MID1: variants seen among roughly 807,000 people sequenced by gnomAD.
MID1 encodes midline 1.
In MID1, 7 loss-of-function variants were observed where a neutral mutation model predicts 40.4. The ratio of observed to expected loss-of-function variants is 0.17; its 90% CI spans 0.10 to 0.33. The LOEUF is 0.33. Ranked by LOEUF, MID1 falls within the 10% of genes least tolerant of loss-of-function variation. MID1 has a pLI of 1.00. For missense variants in MID1, 367 were observed against 558.5 expected (o/e 0.66, Z 3.46); for synonymous variants, 229 against 221.2 (o/e 1.04, Z -0.31).
chrX:10,742,388 C>T (rs1398609766), intron 1 of MID1, among the ~76,000 whole-genome samples: 1 of 111,499 alleles, frequency 9.0e-6, no homozygotes, highest in Admixed American at 9.6e-5. Flanking sequence ...GAAAAAAAAT[C>T]CCTTTTCTAC....
chrX:10,529,679 G>C (rs1227326512), intron 2 of MID1, among the ~76,000 whole-genome samples: 1 of 111,529 alleles, frequency 9.0e-6, no homozygotes. Flanking sequence ...GCTTGTTTCT[G>C]GGTCTGAGCA....
intron 1 of MID1, among the ~76,000 whole-genome samples, chrX:10,640,341 GC>G (rs1348108216): frequency 1.8e-5 from 2 of 110,180 alleles, no homozygotes; most frequent in African/African-American, 6.6e-5. Context: ...CAAATGGGGG[GC>G]AAAAAAAGCA....
Position 10,448,151 on chromosome X carries a change from T to G in MID1, c.*1217A>C, listed in dbSNP as rs1343913880. 1.8e-5 allele frequency: 2 copies of G among 109,259 alleles called. No individual in the cohort carries two copies. Among genetic ancestry groups the G allele is most frequent in the Admixed American group, 9.8e-5 (1 of 10,196 alleles). The allele number at this position is 109,259 out of a possible 1,213,427, so 9.0% of individuals were successfully genotyped here. ...GGTCTTACAACTCTATTGTAAACTA[T>G]ACTAGACTATAGAGGGACTTCTACA... is the stretch of plus-strand genomic sequence containing the variant. On this transcript the variant is annotated 3_prime_UTR_variant, in exon 10 of 10. Transcript: ENST00000317552.
At chrX:10,829,813 CAGGTATGACCTTAGAA>C (rs1459182026) in intron 1 of MID1, among the ~76,000 whole-genome samples, 2 of 111,917 alleles carry the variant, frequency 1.8e-5, no homozygotes, top group Non-Finnish European at 3.8e-5. Context: ...CTAAGCCTTA[CAGGTATGACCTTAGAA>C]GTAATGGCAG....
In MID1 at chrX:10,449,404, G is replaced by A. The variant is rs754871464; in HGVS notation, c.1968C>T (p.Ile656=). 1.2e-4 allele frequency: 148 copies of A among 1,209,930 alleles called. No homozygotes were observed. The highest frequency in any genetic ancestry group is 1.1e-4 in the Non-Finnish European group (100 of 895,203). ...KCLTIITGLP[I]PDHLDCTEQL... ...GCTCTGTGCAGTCCAAATGGTCTGG[G>A]ATAGGGAGCCCAGTGATAATCGTCA... Residue 656 remains isoleucine, a synonymous_variant, in exon 10 of 10, where the codon ATC becomes ATT. Transcript: ENST00000317552.
chrX:10,540,377 T>C (rs1933421971), intron 2 of MID1, among the ~76,000 whole-genome samples: 1 of 111,979 alleles, frequency 8.9e-6, no homozygotes, highest in Non-Finnish European at 1.9e-5. Context: ...ATCTGTTTCC[T>C]GGGCTGTTAG....
In MID1 at chrX:10,534,004, C is replaced by CT. The variant is rs58262166; in HGVS notation, c.661-10818dup. ...TCTTCCTCAATTCTATTATCCTGGT[C>CT]TTTTTTTTTTTCCTCAATCATAAAA... On this transcript the variant is annotated intron_variant, in intron 2 of 9. Coordinates refer to ENST00000317552, the MANE Select transcript of MID1 (RefSeq NM_000381.4). Among the ~76,000 whole-genome samples, 612 of 104,456 alleles carry CT rather than the reference C, an allele frequency of 5.9e-3. 8 individuals carry two copies. Among genetic ancestry groups the CT allele is most frequent in the African/African-American group, 0.02 (568 of 28,870 alleles). The allele number at this position is 104,456 out of a possible 115,157, so 90.7% of individuals were successfully genotyped here.
Position 10,471,613 on chromosome X carries a change from C to CA in MID1, c.1142-1774dup, listed in dbSNP as rs774254649. Among the ~76,000 whole-genome samples, 3 of 112,088 alleles carry CA rather than the reference C, an allele frequency of 2.7e-5. No individual in the cohort carries two copies. The South Asian group carries it at 1.1e-3, about 42-fold the overall frequency. On this transcript the variant is annotated intron_variant, in intron 6 of 9. Transcript: ENST00000317552. ...GACTTGGATGTGCATGAATCAGTGA[C>CA]ACCAATCAGGATATGCATTCCACGG...
chrX:10,504,805 T>C (rs951575360), intron 3 of MID1, among the ~76,000 whole-genome samples: 1 of 109,949 alleles, frequency 9.1e-6, no homozygotes, highest in Non-Finnish European at 1.9e-5. Context: ...TATTTTAGCA[T>C]TGTGGGCCAG....
At chrX:10,648,634 A>G (rs191664522) in intron 1 of MID1, among the ~76,000 whole-genome samples, 2 of 111,703 alleles carry the variant, frequency 1.8e-5, no homozygotes, top group East Asian at 2.8e-4. Context: ...TTATTTGACT[A>G]TTTTATTTTG....
At chrX:10,524,818 T>C (rs1932799939) in intron 2 of MID1, among the ~76,000 whole-genome samples, 1 of 112,093 alleles carries the variant, frequency 8.9e-6, no homozygotes, top group African/African-American at 3.2e-5. Context: ...TCCAGGGGTT[T>C]TTTGTTGCAC....
intron 2 of MID1, among the ~76,000 whole-genome samples, chrX:10,533,423 GAAAGAA>G (rs1290171925): frequency 1.5e-4 from 14 of 92,258 alleles, no homozygotes; most frequent in Non-Finnish European, 2.8e-4. Context: ...AAGAAAGAAA[GAAAGAA>G]AGAAAGAGAA....
At chrX:10,527,912 C>A in intron 2 of MID1, among the ~76,000 whole-genome samples, 1 of 111,735 alleles carries the variant, frequency 8.9e-6, no homozygotes, top group Non-Finnish European at 1.9e-5. Flanking sequence ...TGGATCACCT[C>A]CCAATTCAAA....
chrX:10,809,375 C>T (rs1299345680), intron 1 of MID1, among the ~76,000 whole-genome samples: 1 of 111,712 alleles, frequency 9.0e-6, no homozygotes, highest in Non-Finnish European at 1.9e-5. Flanking sequence ...TGTGGCGATT[C>T]CTCAAGGACC....
chrX:10,639,104 T>C (rs748917853), intron 1 of MID1, among the ~76,000 whole-genome samples: 1 of 112,111 alleles, frequency 8.9e-6, no homozygotes, highest in East Asian at 2.8e-4. Flanking sequence ...ACACGTCTTC[T>C]CCTCCAAAGG....
intron 1 of MID1, among the ~76,000 whole-genome samples, chrX:10,718,342 C>T (rs1349612011): frequency 9.0e-6 from 1 of 111,642 alleles, no homozygotes; most frequent in Non-Finnish European, 1.9e-5. Flanking sequence ...CAAATAGACA[C>T]AATTAAAAAT....
chrX:10,755,338 AT>A (rs771925958), intron 1 of MID1, among the ~76,000 whole-genome samples: 75 of 109,468 alleles, frequency 6.9e-4, no homozygotes, highest in Admixed American at 7.8e-4. Flanking sequence ...CCGTATATAG[AT>A]TTTTTTTTTG....
intron 4 of MID1, among the ~76,000 whole-genome samples, chrX:10,490,526 G>A (rs183718177): frequency 9.0e-6 from 1 of 111,403 alleles, no homozygotes; most frequent in African/African-American, 3.3e-5. Context: ...ATATTCTGTA[G>A]TTGAGCCATC....
intron 1 of MID1, among the ~76,000 whole-genome samples, chrX:10,669,020 C>G (rs1158138071): frequency 1.9e-5 from 2 of 107,332 alleles, no homozygotes; most frequent in East Asian, 5.9e-4. Context: ...GAGATCGAGA[C>G]CATCCTGGCT....
Sources: allele counts gnomAD v4.1 joint callset (sites outside exome capture counted in the v4.1 genomes callset), GRCh38; gene constraint gnomAD v4.1.1; transcripts MANE v1.5; gene names NCBI Gene and HGNC (gene_info 2026-07-23, HGNC 2026-07-21).